Variants in DOCK8 observed in about 807,000 individuals in gnomAD.
DOCK8 encodes the protein dedicator of cytokinesis 8.
Under a neutral mutation model 245.6 loss-of-function variants are expected in DOCK8, and 141 were observed. The ratio of observed to expected loss-of-function variants is 0.57; its 90% CI spans 0.50 to 0.66. The LOEUF (loss-of-function observed/expected upper bound fraction) is 0.66. Among genes scored for constraint, DOCK8 ranks in the 30% least tolerant of loss-of-function variants. The pLI, the probability that DOCK8 is intolerant of heterozygous loss-of-function variation, is 0.00. For synonymous variants in DOCK8, 1,168 were observed against 970.2 expected, an observed-to-expected ratio of 1.20 and a Z score of -3.79; for missense variants, 2,965 against 2,603.4, an observed-to-expected ratio of 1.14 and a Z score of -3.02.
chr9:395,633 C>T (rs770244545), intron 24 of DOCK8, among the ~76,000 whole-genome samples: 55 of 151,560 alleles, frequency 3.6e-4, no homozygotes, highest in Non-Finnish European at 7.2e-4. Flanking sequence ...GGGACCCAAC[C>T]ACAAGACCTT....
At chr9:279,432 G>C (rs2048485099) in intron 2 of DOCK8, among the ~76,000 whole-genome samples, 2 of 152,200 alleles carry the variant, frequency 1.3e-5, no homozygotes, top group African/African-American at 4.8e-5. Context: ...AATGCAGATT[G>C]AGAAGAGATT....
intron 14 of DOCK8, among the ~76,000 whole-genome samples, chr9:367,276 C>T (rs1200288909): frequency 6.6e-6 from 1 of 152,178 alleles, no homozygotes; most frequent in Non-Finnish European, 1.5e-5. Flanking sequence ...ATTCAACAAA[C>T]ACTTACTTAA....
intron 20 of DOCK8, among the ~76,000 whole-genome samples, chr9:379,426 A>G (rs2053648557): frequency 6.6e-6 from 1 of 152,178 alleles, no homozygotes. Context: ...ATTTCTTAGT[A>G]GCAAGCAGGT....
intron 1 of DOCK8, among the ~76,000 whole-genome samples, chr9:221,915 G>T (rs1354027898): frequency 6.6e-6 from 1 of 151,816 alleles, no homozygotes; most frequent in African/African-American, 2.4e-5. Context: ...CTGTTGATTA[G>T]ATGTAAAATG....
At chr9:441,824 GCTCCTCAGGA>G in intron 41 of DOCK8, 41 bp from the exon 42 acceptor site, 2 of 1,471,640 alleles carry the variant, frequency 1.4e-6, no homozygotes, top group Non-Finnish European at 1.9e-6. Context: ...CAACTCAGTG[GCTCCTCAGGA>G]TGACATAACT....
rs1247631231 is a variant in DOCK8, at chr9:399,199, C to T, written c.3174C>T (p.Asp1058=). Reference sequence around the variant, plus strand: ...TCAGCCTGGCTTTCTTCTTGTATGACCTTCTCTCCCTCATGGATCGGGGCT... The same window carrying T: ...TCAGCCTGGCTTTCTTCTTGTATGATCTTCTCTCCCTCATGGATCGGGGCT... The part of the protein sequence containing the change: ...MNISLAFFLY[D]LLSLMDRGFV... Residue 1058 remains aspartate, a synonymous_variant, in exon 26 of 48, where the codon GAC becomes GAT. Transcript: ENST00000432829. The T allele has an allele frequency of 1.9e-6, 3 of 1,613,938 alleles. No individual in the cohort carries two copies. The highest frequency in any genetic ancestry group is 1.7e-5 in the Admixed American group (1 of 60,018).
intron 1 of DOCK8, among the ~76,000 whole-genome samples, chr9:227,314 T>G (rs1227904319): frequency 1.3e-5 from 2 of 152,162 alleles, no homozygotes; most frequent in African/African-American, 4.8e-5. Context: ...CTCGTAGAGG[T>G]TTTGTTTAAG....
chr9:312,948 G>T, intron 6 of DOCK8: 1 of 151,236 alleles, frequency 6.6e-6, no homozygotes, highest in Non-Finnish European at 1.5e-5. Flanking sequence ...GGAAGAAACA[G>T]GATTTGAGGA....
chr9:406,008 G>T (rs1324065111), intron 27 of DOCK8, among the ~76,000 whole-genome samples: 8 of 152,118 alleles, frequency 5.3e-5, no homozygotes, highest in African/African-American at 1.7e-4. Context: ...AAACCCAGGG[G>T]CCAGGCTCAC....
chr9:413,607 T>C (rs965785152), intron 28 of DOCK8, among the ~76,000 whole-genome samples: 4 of 152,156 alleles, frequency 2.6e-5, no homozygotes, highest in Admixed American at 6.5e-5. Context: ...AAGATCAGAA[T>C]AGACATTTCT....
chr9:364,705 G>A (rs1449288627), intron 14 of DOCK8, among the ~76,000 whole-genome samples: 1 of 150,516 alleles, frequency 6.6e-6, no homozygotes, highest in Non-Finnish European at 1.5e-5. Flanking sequence ...ATGTGTTAAA[G>A]TCTTAACGGT....
At chr9:256,605 G>A (rs1200027218) in intron 1 of DOCK8, among the ~76,000 whole-genome samples, 1 of 152,082 alleles carries the variant, frequency 6.6e-6, no homozygotes, top group Non-Finnish European at 1.5e-5. Flanking sequence ...TGGGGTCTGG[G>A]TACTTTTCCT....
intron 5 of DOCK8, among the ~76,000 whole-genome samples, chr9:310,861 A>G (rs939541877): frequency 1.5e-4 from 23 of 152,182 alleles, no homozygotes; most frequent in African/African-American, 5.1e-4. Context: ...TGGGCCTGTG[A>G]CATTCACACC....
intron 1 of DOCK8, among the ~76,000 whole-genome samples, chr9:235,788 C>T (rs539482898): frequency 1.4e-4 from 21 of 152,248 alleles, no homozygotes; most frequent in African/African-American, 3.6e-4. Flanking sequence ...CCCGATTTTC[C>T]GGGTGCCGTC....
At chr9:222,459 G>T (rs631722) in intron 1 of DOCK8, among the ~76,000 whole-genome samples, 2 of 151,874 alleles carry the variant, frequency 1.3e-5, no homozygotes, top group Admixed American at 6.6e-5. Context: ...CCCAGAAAAG[G>T]TATACCTGTT....
chr9:231,106 A>G (rs1366742623), intron 1 of DOCK8, among the ~76,000 whole-genome samples: 1 of 152,154 alleles, frequency 6.6e-6, no homozygotes, highest in Non-Finnish European at 1.5e-5. Flanking sequence ...ATCCAGTTTC[A>G]GCTTTCTACA....
intron 14 of DOCK8, among the ~76,000 whole-genome samples, chr9:367,601 G>C (rs2053070582): frequency 6.6e-6 from 1 of 152,138 alleles, no homozygotes; most frequent in Non-Finnish European, 1.5e-5. Flanking sequence ...GTAAGAAAAG[G>C]AAACTATTAC....
At chr9:383,358 C>G (rs1352268081) in intron 22 of DOCK8, among the ~76,000 whole-genome samples, 1 of 152,078 alleles carries the variant, frequency 6.6e-6, no homozygotes, top group Non-Finnish European at 1.5e-5. Context: ...CATGGTGAAA[C>G]CCCGTCTCTA....
intron 17 of DOCK8, 148 bp downstream of exon 17, chr9:371,714 A>C: frequency 3.5e-6 from 4 of 1,134,296 alleles, no homozygotes; most frequent in South Asian, 1.4e-5. Flanking sequence ...AAGAGGCAGA[A>C]ATGATTTGCC....
Sources: allele counts gnomAD v4.1 joint callset (sites outside exome capture counted in the v4.1 genomes callset), GRCh38; gene constraint gnomAD v4.1.1; transcripts MANE v1.5; gene names NCBI Gene and HGNC (gene_info 2026-07-23, HGNC 2026-07-21).